ZNF738: variants seen among roughly 807,000 people sequenced by gnomAD.
ZNF738 encodes protein ZNF738.
ZNF738 carries 10 observed loss-of-function variants against 9.2 expected under a neutral mutation model. The observed-to-expected ratio is 1.09, with a 90% CI of 0.67 to 1.85. The LOEUF (loss-of-function observed/expected upper bound fraction) is 1.85. ZNF738 is among the 40% of genes most tolerant of loss of function. The pLI, the probability that ZNF738 is intolerant of heterozygous loss-of-function variation, is 0.00. For missense variants in ZNF738, 346 were observed against 283.6 expected, an observed-to-expected ratio of 1.22 and a Z score of -1.58; for synonymous variants, 113 against 94.5, an observed-to-expected ratio of 1.20 and a Z score of -1.14.
chr19:21,381,255 C>G, intron 4 of ZNF738: 1 of 1,591,024 alleles, frequency 6.3e-7, no homozygotes, highest in South Asian at 1.1e-5. Flanking sequence ...CCACACGTCC[C>G]TTTGATGTTT....
At chr19:21,362,280 A>G (rs1012639454) in intron 2 of ZNF738, among the ~76,000 whole-genome samples, 1 of 152,150 alleles carries the variant, frequency 6.6e-6, no homozygotes, top group African/African-American at 2.4e-5. Context: ...TGAAATAAAT[A>G]TAGTAAAAGA....
chr19:21,362,335 A>G (rs1244678394), intron 2 of ZNF738, among the ~76,000 whole-genome samples: 1 of 152,206 alleles, frequency 6.6e-6, no homozygotes, highest in Non-Finnish European at 1.5e-5. Context: ...AAAAAATAGT[A>G]TCCCGAAAGA....
At chr19:21,366,552 T>C (rs188370650) in intron 2 of ZNF738, among the ~76,000 whole-genome samples, 2 of 152,266 alleles carry the variant, frequency 1.3e-5, no homozygotes, top group Admixed American at 1.3e-4. Context: ...TCTTGATCCA[T>C]ACCCCAAGAG....
At chr19:21,373,075 G>A (rs1184032977) in intron 2 of ZNF738, among the ~76,000 whole-genome samples, 4 of 152,102 alleles carry the variant, frequency 2.6e-5, no homozygotes, top group African/African-American at 9.7e-5. Flanking sequence ...ATTGACACGG[G>A]ACTTGTTTGA....
At chr19:21,378,606 C>CT (rs11352402) in intron 4 of ZNF738, 12,987 of 263,314 alleles carry the variant, frequency 0.049, 268 homozygotes, top group African/African-American at 0.093. Flanking sequence ...AATAATATCA[C>CT]TTTTTTTTTT....
chr19:21,377,628 A>C (rs796881537), intron 4 of ZNF738: 2 of 466,272 alleles, frequency 4.3e-6, no homozygotes, highest in South Asian at 4.2e-5. Context: ...TTTATGTAAG[A>C]TATGACAGTT....
chr19:21,380,798 T>TA (rs1374044754), intron 4 of ZNF738, among the ~76,000 whole-genome samples: 1 of 152,130 alleles, frequency 6.6e-6, no homozygotes, highest in Non-Finnish European at 1.5e-5. Flanking sequence ...ACCACCATGT[T>TA]ACTACCAGCA....
rs1457650463 is a variant in ZNF738, at chr19:21,382,911, TAA to T, written c.368_369del (p.Lys123ArgfsTer17). The T allele has an allele frequency of 7.4e-6, 4 of 543,132 alleles. No individual in the cohort carries two copies. In the African/African-American group the frequency reaches 7.5e-5, roughly 10 times the overall value. The allele number at this position is 543,132 out of a possible 1,614,324, so 33.6% of individuals were successfully genotyped here. ...CAGGACCTTTGGCCACAGCCGGGCA[TAA>T]AAGATTCTTTCCAAAAAGTGATACT... is the stretch of plus-strand genomic sequence containing the variant. On this transcript the variant is annotated frameshift_variant, in exon 5 of 5. Transcript: ENST00000683779. LOFTEE classifies it low-confidence loss of function (END_TRUNC).
Position 21,384,166 on chromosome 19 carries a change from A to G in ZNF738, c.*492A>G. On this transcript the variant is annotated 3_prime_UTR_variant, in exon 5 of 5. Coordinates refer to ENST00000683779, the MANE Select transcript of ZNF738 (RefSeq NM_001355237.2). ...ATTCATACTGTAGAGAAACGCTACAAATGTGAGGAATGTGGCAAAGCTTTT... is the reference window on the plus strand; with the variant it reads ...ATTCATACTGTAGAGAAACGCTACAGATGTGAGGAATGTGGCAAAGCTTTT... 1 of 1,439,292 alleles carries G rather than the reference A, an allele frequency of 6.9e-7. No individual in the cohort carries two copies. The highest frequency in any genetic ancestry group is 9.7e-7 in the Non-Finnish European group (1 of 1,026,832). The allele number at this position is 1,439,292 out of a possible 1,614,324, so 89.2% of individuals were successfully genotyped here.
Position 21,375,832 on chromosome 19 carries a change from T to C in ZNF738, c.224-37T>C, listed in dbSNP as rs760207191. 12 of 765,062 alleles carry C rather than the reference T, an allele frequency of 1.6e-5. No individual in the cohort carries two copies. In the South Asian group the frequency reaches 1.7e-4, roughly 11 times the overall value. The allele number at this position is 765,062 out of a possible 1,614,324, so 47.4% of individuals were successfully genotyped here. ...GTAATAGGTAGGTAATTAGAGAATA[T>C]GAGCAAGATTCATGTTATTTATTTT... On this transcript the variant is annotated intron_variant, in intron 3 of 4. Coordinates refer to ENST00000683779, the MANE Select transcript of ZNF738 (RefSeq NM_001355237.2).
rs867880926 is a variant in ZNF738, at chr19:21,384,159, C to A, written c.*485C>A. On this transcript the variant is annotated 3_prime_UTR_variant, in exon 5 of 5. Transcript: ENST00000683779. ...TAAGATGATTCATACTGTAGAGAAACGCTACAAATGTGAGGAATGTGGCAA... is the reference window on the plus strand; with the variant it reads ...TAAGATGATTCATACTGTAGAGAAAAGCTACAAATGTGAGGAATGTGGCAA... 2 of 1,456,852 alleles carry A rather than the reference C, an allele frequency of 1.4e-6. No individual in the cohort carries two copies. Among genetic ancestry groups the A allele is most frequent in the Non-Finnish European group, 9.6e-7 (1 of 1,042,744 alleles). 90.2% of individuals were successfully genotyped at this position (1,456,852 alleles called of 1,614,324 possible). A position where few individuals can be genotyped will look rare whatever the true frequency, so the allele number is the denominator to read the frequency against.
In ZNF738 at chr19:21,383,282, A is replaced by G; in HGVS notation, c.736A>G (p.Thr246Ala). Reference sequence around the variant, plus strand: ...TGGCAAAGCCTTTAAATGGTTCTCAACCCTTACTAGACACAAGAGAATTCA... The same window carrying G: ...TGGCAAAGCCTTTAAATGGTTCTCAGCCCTTACTAGACACAAGAGAATTCA... ...ECGKAFKWFSTLTRHKRIHTG... is the reference protein window; with the variant it reads ...ECGKAFKWFSALTRHKRIHTG... Residue 246 changes from threonine (T) to alanine (A), a missense_variant, in exon 5 of 5, where the codon ACC becomes GCC. Thr to Ala is a moderately conservative substitution (Grantham distance 58). Coordinates refer to ENST00000683779, the MANE Select transcript of ZNF738 (RefSeq NM_001355237.2). The G allele has an allele frequency of 2.6e-6, 4 of 1,565,266 alleles. No homozygotes were observed. The highest frequency in any genetic ancestry group is 3.5e-6 in the Non-Finnish European group (4 of 1,141,954).
chr19:21,376,547 T>G (rs1973930871), intron 4 of ZNF738: 1 of 152,716 alleles, frequency 6.5e-6, no homozygotes, highest in African/African-American at 2.4e-5. Context: ...GTAGTTTTTT[T>G]GTTTTGTTTT....
intron 4 of ZNF738, chr19:21,378,109 AT>A: frequency 2.5e-6 from 1 of 396,376 alleles, no homozygotes; most frequent in Non-Finnish European, 4.4e-6. Flanking sequence ...GCATGCAAAA[AT>A]TTTTTCTCAT....
At chr19:21,370,887 T>A (rs990310116) in intron 2 of ZNF738, among the ~76,000 whole-genome samples, 1 of 152,192 alleles carries the variant, frequency 6.6e-6, no homozygotes, top group Non-Finnish European at 1.5e-5. Flanking sequence ...GGGTTGAGAA[T>A]GTACTGAAAA....
chr19:21,361,701 C>T (rs12981775), intron 1 of ZNF738, 65 bp from the exon 2 acceptor site: 417,512 of 763,880 alleles, frequency 0.55, 115,511 homozygotes, highest in Middle Eastern at 0.68. Context: ...ACCGAGATAT[C>T]TGCCATGGTT....
At chr19:21,367,803 ACT>A (rs774557825) in intron 2 of ZNF738, among the ~76,000 whole-genome samples, 1 of 151,722 alleles carries the variant, frequency 6.6e-6, no homozygotes, top group Non-Finnish European at 1.5e-5. Context: ...ATGTGTCCAC[ACT>A]CCTCCCAGGA....
intron 4 of ZNF738, among the ~76,000 whole-genome samples, chr19:21,382,248 GTT>G (rs113238653): frequency 1.4e-5 from 2 of 138,178 alleles, no homozygotes; most frequent in African/African-American, 2.7e-5. Context: ...ACTTCTTTTT[GTT>G]TTTTTTTTTG....
At chr19:21,375,201 A>C in intron 2 of ZNF738, 37 bp from the exon 3 acceptor site, 1 of 899,868 alleles carries the variant, frequency 1.1e-6, no homozygotes, top group African/African-American at 2.3e-5. Context: ...CTGCCCGTGG[A>C]CACTTGTAAA....
Sources: gnomAD v4.1 joint callset for allele counts (sites outside exome capture counted in the v4.1 genomes callset) on GRCh38, gnomAD v4.1.1 for gene constraint, MANE v1.5 for transcripts, NCBI Gene and HGNC (gene_info 2026-07-23, HGNC 2026-07-21) for gene names.